PDZRN4: variants seen among roughly 807,000 people sequenced by gnomAD.
The protein encoded by PDZRN4 is PDZ domain containing ring finger 4.
A neutral mutation model predicts 99.0 loss-of-function variants in PDZRN4; 70 were observed. The ratio of observed to expected loss-of-function variants is 0.71; its 90% CI spans 0.58 to 0.86. PDZRN4 has a LOEUF of 0.86. Ranked by LOEUF, PDZRN4 falls within the 40% of genes least tolerant of loss-of-function variation. The pLI is 0.00. For synonymous variants in PDZRN4, 551 were observed against 501.6 expected (o/e 1.10, Z -1.32); for missense variants, 1,474 against 1,331.2 (o/e 1.11, Z -1.67).
intron 3 of PDZRN4, among the ~76,000 whole-genome samples, chr12:41,379,039 A>G (rs1008368506): frequency 2.0e-5 from 3 of 152,138 alleles, no homozygotes; most frequent in East Asian, 1.9e-4. Flanking sequence ...TTGATTACCA[A>G]TTAAATTTCT....
At chr12:41,304,451 C>T (rs1951556740) in intron 3 of PDZRN4, among the ~76,000 whole-genome samples, 1 of 152,144 alleles carries the variant, frequency 6.6e-6, no homozygotes, top group Non-Finnish European at 1.5e-5. Context: ...TTTTTCCAAA[C>T]TTTCCCCCAC....
At chr12:41,394,781 G>C (rs369931234) in intron 3 of PDZRN4, among the ~76,000 whole-genome samples, 2 of 127,188 alleles carry the variant, frequency 1.6e-5, no homozygotes, top group African/African-American at 8.3e-5. Flanking sequence ...GAGTAAATGA[G>C]AGAGAGAGAG....
chr12:41,218,873 A>AT (rs1950937244), intron 3 of PDZRN4, among the ~76,000 whole-genome samples: 1 of 152,014 alleles, frequency 6.6e-6, no homozygotes, highest in Non-Finnish European at 1.5e-5. Context: ...GCAGTTATTT[A>AT]TTTTTACACA....
intron 5 of PDZRN4, among the ~76,000 whole-genome samples, chr12:41,534,377 A>G (rs1162812105): frequency 6.6e-6 from 1 of 151,996 alleles, no homozygotes; most frequent in Non-Finnish European, 1.5e-5. Context: ...TGCTGCACCT[A>G]TCAACCCAAT....
At chr12:41,309,960 T>C (rs1951595875) in intron 3 of PDZRN4, among the ~76,000 whole-genome samples, 1 of 151,616 alleles carries the variant, frequency 6.6e-6, no homozygotes, top group Non-Finnish European at 1.5e-5. Flanking sequence ...TGAGACAGAG[T>C]CTTACTCTGT....
chr12:41,290,100 A>T (rs78880673), intron 3 of PDZRN4, among the ~76,000 whole-genome samples: 1,637 of 152,242 alleles, frequency 0.011, 31 homozygotes, highest in African/African-American at 0.037. Context: ...GTAGTTGGAG[A>T]TTTATTTGAT....
At chr12:41,418,932 C>G (rs1165709510) in intron 3 of PDZRN4, among the ~76,000 whole-genome samples, 1 of 152,124 alleles carries the variant, frequency 6.6e-6, no homozygotes, top group Non-Finnish European at 1.5e-5. Context: ...TCTCCCCTTG[C>G]AATTTGATGG....
At chr12:41,317,280 AGCAT>A (rs1339595172) in intron 3 of PDZRN4, among the ~76,000 whole-genome samples, 1 of 151,856 alleles carries the variant, frequency 6.6e-6, no homozygotes, top group African/African-American at 2.4e-5. Context: ...AGAGCAGGCC[AGCAT>A]GCTGGAGATG....
intron 3 of PDZRN4, among the ~76,000 whole-genome samples, chr12:41,422,165 T>C (rs1048933378): frequency 3.3e-5 from 5 of 152,166 alleles, no homozygotes; most frequent in Admixed American, 6.5e-5. Context: ...CACCATATCA[T>C]ATGCTATACC....
At chr12:41,503,533 G>A (rs1405256968) in intron 3 of PDZRN4, among the ~76,000 whole-genome samples, 1 of 152,026 alleles carries the variant, frequency 6.6e-6, no homozygotes, top group Admixed American at 6.6e-5. Flanking sequence ...TATTTCCTCA[G>A]AAAAAACTAT....
intron 3 of PDZRN4, among the ~76,000 whole-genome samples, chr12:41,227,246 T>C (rs1276350206): frequency 2.0e-5 from 3 of 152,194 alleles, no homozygotes; most frequent in African/African-American, 7.2e-5. Context: ...TGATTAAGTT[T>C]GAGGTTTGTT....
chr12:41,426,820 C>T (rs1307658598), intron 3 of PDZRN4, among the ~76,000 whole-genome samples: 6 of 152,064 alleles, frequency 3.9e-5, no homozygotes, highest in Non-Finnish European at 8.8e-5. Context: ...TACATGTAGA[C>T]TTAGAAGGAA....
chr12:41,230,432 A>G (rs1460521438), intron 3 of PDZRN4, among the ~76,000 whole-genome samples: 1 of 152,084 alleles, frequency 6.6e-6, no homozygotes, highest in East Asian at 1.9e-4. Context: ...GTCTTCTGTT[A>G]AAATACAAAA....
chr12:41,473,034 G>A (rs1310717484), intron 3 of PDZRN4, among the ~76,000 whole-genome samples: 4 of 152,002 alleles, frequency 2.6e-5, no homozygotes, highest in Admixed American at 6.6e-5. Flanking sequence ...TTTCAGAACA[G>A]AAAAGACAAA....
At chr12:41,230,626 G>A (rs1966609) in intron 3 of PDZRN4, among the ~76,000 whole-genome samples, 104,913 of 151,890 alleles carry the variant, frequency 0.69, 36,477 homozygotes, top group South Asian at 0.75. Flanking sequence ...TGTGGAATCA[G>A]TAACATCCTA....
intron 6 of PDZRN4, among the ~76,000 whole-genome samples, chr12:41,555,441 T>C (rs1204285125): frequency 7.3e-5 from 11 of 149,990 alleles, no homozygotes; most frequent in Admixed American, 6.6e-4. Context: ...AAAGAAGAAA[T>C]AGAGAAAGGG....
chr12:41,572,889 G>A lies in PDZRN4; in HGVS notation c.2110G>A (p.Asp704Asn), dbSNP rs1939507864. Residue 704 changes from aspartate (D) to asparagine (N), a missense_variant, in exon 10 of 10, where the codon GAT (aspartate) becomes AAT (asparagine). By Grantham distance (23) the Asp-to-Asn change is conservative. Coordinates refer to ENST00000402685, the MANE Select transcript of PDZRN4 (RefSeq NM_001164595.2). ...GTATGGAGACATCTGGACATTGCAT[G>A]ATGGAGGATTCCGGAATTATAACAC... ...DQYGDIWTLH[D>N]GGFRNYNTSI... 5 of 1,614,158 alleles carry A rather than the reference G, an allele frequency of 3.1e-6. No homozygotes were observed. The highest frequency in any genetic ancestry group is 2.2e-5 in the South Asian group (2 of 91,068).
At chr12:41,189,171 ACGCTTCAGGAT>A in intron 1 of PDZRN4, 68 bp downstream of exon 1, 1 of 1,440,904 alleles carries the variant, frequency 6.9e-7, no homozygotes, top group Non-Finnish European at 9.4e-7. Flanking sequence ...GTTCTTTCTG[ACGCTTCAGGAT>A]TCCTTTGGAA....
At chr12:41,440,267 C>T (rs1952667206) in intron 3 of PDZRN4, among the ~76,000 whole-genome samples, 1 of 151,968 alleles carries the variant, frequency 6.6e-6, no homozygotes, top group South Asian at 2.1e-4. Context: ...GTTACTATTC[C>T]TTATGAGCTA....
Sources: allele counts gnomAD v4.1 joint callset (sites outside exome capture counted in the v4.1 genomes callset), GRCh38; gene constraint gnomAD v4.1.1; transcripts MANE v1.5; gene names NCBI Gene and HGNC (gene_info 2026-07-23, HGNC 2026-07-21).